The following FUOM variants were observed in gnomAD, a reference collection of about 807,000 sequenced individuals.
FUOM encodes the protein fucose mutarotase, also known as protein fucU homolog.
Under a neutral mutation model 18.3 loss-of-function variants are expected in FUOM, and 19 were observed. The ratio of observed to expected loss-of-function variants is 1.04; its 90% confidence interval spans 0.73 to 1.53. The LOEUF (loss-of-function observed/expected upper bound fraction) is 1.53. Among genes scored for constraint, FUOM ranks in the 40% most tolerant of loss-of-function variants. The probability of loss-of-function intolerance (pLI) is 0.00; values close to 1 mark genes in which losing one functional copy is unlikely to be tolerated. For missense variants in FUOM, 210 were observed against 200.9 expected, an observed-to-expected ratio of 1.04 and a Z score of -0.27; for synonymous variants, 102 against 87.9, an observed-to-expected ratio of 1.16 and a Z score of -0.90.
downstream of FUOM, among the ~76,000 whole-genome samples, chr10:133,354,830 C>T (rs1398382143): frequency 1.3e-5 from 2 of 152,216 alleles, no homozygotes; most frequent in African/African-American, 2.4e-5. Context: ...CCTCTCCAGC[C>T]GACAGTTCCT....
intron 1 of FUOM, 50 bp from the exon 2 acceptor site, chr10:133,357,305 G>A (rs1329695379): frequency 2.6e-6 from 4 of 1,529,666 alleles, no homozygotes; most frequent in Non-Finnish European, 3.5e-6. Context: ...CTGCCCTCGG[G>A]GTCGGCGCCG....
In FUOM at chr10:133,355,265, G is replaced by A; in HGVS notation, c.*105C>T. ...CTGCCGGCCCCTAGAGCCCTGGCCA[G>A]GGCCCAGGTCTGGGAGCTGCCACTG... On this transcript the variant is annotated 3_prime_UTR_variant, in exon 6 of 6. Coordinates refer to ENST00000278025, the MANE Select transcript of FUOM (RefSeq NM_001098483.3). 1 of 1,334,640 alleles carries A rather than the reference G, an allele frequency of 7.5e-7. No homozygotes were observed. The highest frequency in any genetic ancestry group is 2.4e-5 in the Admixed American group (1 of 41,814). The allele number at this position is 1,334,640 out of a possible 1,614,324, so 82.7% of individuals were successfully genotyped here. A position where few individuals can be genotyped will look rare whatever the true frequency, so the allele number is the denominator to read the frequency against.
chr10:133,356,842 C>T (rs984842622), intron 3 of FUOM, 101 bp downstream of exon 3: 2 of 1,450,450 alleles, frequency 1.4e-6, no homozygotes, highest in African/African-American at 2.8e-5. Context: ...TTTGGGGACA[C>T]ATGGCTTCCC....
chr10:133,355,231 A>G lies in FUOM; in HGVS notation c.*139T>C. 1.1e-6 allele frequency: 1 copy of G among 877,438 alleles called. No homozygotes were observed. The highest frequency in any genetic ancestry group is 1.8e-5 in the South Asian group (1 of 56,376). 54.4% of individuals were successfully genotyped at this position (877,438 alleles called of 1,614,324 possible). On this transcript the variant is annotated 3_prime_UTR_variant, in exon 6 of 6. Coordinates refer to ENST00000278025, the MANE Select transcript of FUOM (RefSeq NM_001098483.3). The stretch of plus-strand genomic sequence containing the variant: ...ATACTCGTCCCAATTGGCAGGGCCC[A>G]CCCCAAGACTGCCGGCCCCTAGAGC...
intron 1 of FUOM, 44 bp downstream of exon 1, chr10:133,357,879 C>T: frequency 1.4e-6 from 2 of 1,477,756 alleles, no homozygotes; most frequent in Non-Finnish European, 1.8e-6. Flanking sequence ...CGCCCTCCTG[C>T]CTGTCCCGGG....
At position 133,356,698 on chromosome 10, in the gene FUOM, C is replaced by T. The variant is rs1310541312; in HGVS notation, c.266G>A (p.Gly89Asp). Reference sequence around the variant, plus strand: ...CTCCGTCCACACTGGGGTCTGCAGGCCCCTCTCCTTGTCGCTGGGCACCAG... The same window carrying T: ...CTCCGTCCACACTGGGGTCTGCAGGTCCCTCTCCTTGTCGCTGGGCACCAG... ...MELVPSDKER[G>D]LQTPVWTEYE... The change falls in exon 4 of 6, where the codon GGC becomes GAC. Residue 89 changes from glycine to aspartate, a missense_variant. By Grantham distance (94) the Gly-to-Asp change is moderately conservative. Transcript: ENST00000278025. The T allele has an allele frequency of 1.2e-6, 2 of 1,600,190 alleles. No homozygotes were observed. Among genetic ancestry groups the T allele is most frequent in the Non-Finnish European group, 1.7e-6 (2 of 1,172,368 alleles).
At chr10:133,356,385 C>T (rs1047140661) in intron 4 of FUOM, among the ~76,000 whole-genome samples, 16 of 152,326 alleles carry the variant, frequency 1.1e-4, no homozygotes, top group African/African-American at 3.8e-4. Context: ...GGTGACAACC[C>T]ACCTGGCAGG....
At chr10:133,355,564 G>T in intron 5 of FUOM, 128 bp from the exon 6 acceptor site, 3 of 1,608,516 alleles carry the variant, frequency 1.9e-6, no homozygotes, top group Non-Finnish European at 2.5e-6. Context: ...GCAAATGGGG[G>T]CCCTGCCCCC....
chr10:133,357,584 C>A (rs1848850872), intron 1 of FUOM: 2 of 488,660 alleles, frequency 4.1e-6, no homozygotes, highest in East Asian at 7.6e-5. Context: ...GCCCGCGATG[C>A]CCGGACCAGG....
chr10:133,355,683 G>A, intron 5 of FUOM, 55 bp downstream of exon 5: 2 of 1,580,694 alleles, frequency 1.3e-6, no homozygotes, highest in Non-Finnish European at 8.7e-7. Flanking sequence ...GGGGATGGGG[G>A]CAGCTCCTGA....
In FUOM at chr10:133,356,684, C is replaced by T; in HGVS notation, c.280G>A (p.Val94Met). ...AGGATGGACTCGTACTCCGTCCACA[C>T]TGGGGTCTGCAGGCCCCTCTCCTTG... ...SDKERGLQTP[V>M]WTEYESILRR... The change falls in exon 4 of 6, where the codon GTG becomes ATG. Residue 94 changes from valine (V) to methionine (M), a missense_variant. Val to Met is a conservative substitution (Grantham distance 21, BLOSUM62 1). Transcript: ENST00000278025. The T allele has an allele frequency of 6.2e-7, 1 of 1,601,760 alleles. No individual in the cohort carries two copies.
chr10:133,357,476 A>C (rs1192728471), intron 1 of FUOM: 1 of 599,804 alleles, frequency 1.7e-6, no homozygotes, highest in Non-Finnish European at 3.0e-6. Flanking sequence ...GGAGGCAGAG[A>C]GGCGTCAACA....
At chr10:133,355,640 A>C (rs1848768152) in intron 5 of FUOM, 98 bp downstream of exon 5, 1 of 1,551,342 alleles carries the variant, frequency 6.4e-7, no homozygotes, top group Non-Finnish European at 8.9e-7. Flanking sequence ...GAAGCTGAGA[A>C]GAGGGTAGGG....
intron 1 of FUOM, chr10:133,357,652 C>G: frequency 2.0e-6 from 1 of 500,466 alleles, no homozygotes; most frequent in Non-Finnish European, 3.5e-6. Context: ...GAAAAAGCGC[C>G]GAACCCTCGG....
chr10:133,355,670 G>T (rs984254787), intron 5 of FUOM, 68 bp downstream of exon 5: 1 of 1,545,252 alleles, frequency 6.5e-7, no homozygotes, highest in African/African-American at 1.4e-5. Context: ...GAGGCCCCCC[G>T]GTGGGGATGG....
rs1034992461 is a variant in FUOM at position 133,355,177 on chromosome 10, C to T, written c.*193G>A. The T allele has an allele frequency of 1.9e-5, 12 of 627,300 alleles. No homozygotes were observed. Among genetic ancestry groups the T allele is most frequent in the Admixed American group, 1.2e-4 (4 of 33,888 alleles). The allele number at this position is 627,300 out of a possible 1,614,324, so 38.9% of individuals were successfully genotyped here. On this transcript the variant is annotated 3_prime_UTR_variant, in exon 6 of 6. Transcript: ENST00000278025. Reference sequence around the variant, plus strand: ...CTGGAATTGGACTCTTGAGACTGAACGTTTTTCCATCATTTTCACAAATCA... The same window carrying T: ...CTGGAATTGGACTCTTGAGACTGAATGTTTTTCCATCATTTTCACAAATCA...
intron 4 of FUOM, among the ~76,000 whole-genome samples, 172 bp downstream of exon 4, chr10:133,356,468 C>A (rs1222481376): frequency 6.6e-6 from 1 of 152,214 alleles, no homozygotes. Flanking sequence ...TGCCCAGGTG[C>A]ACCTCTTCCA....
downstream of FUOM, among the ~76,000 whole-genome samples, chr10:133,354,398 G>A (rs1848730468): frequency 6.6e-6 from 1 of 152,184 alleles, no homozygotes; most frequent in Non-Finnish European, 1.5e-5. Context: ...CACCCCCAAG[G>A]TTCTCCTGCG....
rs1268087668 is a variant in FUOM, at chr10:133,357,923, C to G, written c.85G>C (p.Val29Leu). 5 of 1,523,406 alleles carry G rather than the reference C, an allele frequency of 3.3e-6. No homozygotes were observed. Among genetic ancestry groups the G allele is most frequent in the Non-Finnish European group, 8.8e-7 (1 of 1,139,256 alleles). 94.4% of individuals were successfully genotyped at this position (1,523,406 alleles called of 1,614,324 possible). Residue 29 changes from valine (V) to leucine (L), a missense_variant and splice_region_variant, in exon 1 of 6, where the codon GTT becomes CTT. By Grantham distance (32) the Val-to-Leu change is conservative (BLOSUM62 1). Coordinates refer to ENST00000278025, the MANE Select transcript of FUOM (RefSeq NM_001098483.3). Reference sequence around the variant, plus strand: ...CGAGGCCCCGGCCCGCTGCGCTCACCGATCTCGTCCCCGTGCCCCATCCGC... The same window carrying G: ...CGAGGCCCCGGCCCGCTGCGCTCACGGATCTCGTCCCCGTGCCCCATCCGC... Reference protein sequence around the residue: ...LARMGHGDEIVLADLNFPASS... With the variant: ...LARMGHGDEILLADLNFPASS...
Sources: gnomAD v4.1 joint callset for allele counts (sites outside exome capture counted in the v4.1 genomes callset) on GRCh38, gnomAD v4.1.1 for gene constraint, MANE v1.5 for transcripts, NCBI Gene and HGNC (gene_info 2026-07-23, HGNC 2026-07-21) for gene names.